The following CELF3 variants were observed in gnomAD, a reference collection of about 807,000 sequenced individuals.
The protein encoded by CELF3 is CAG repeat domain.
In CELF3, 26 loss-of-function variants were observed where a neutral mutation model predicts 59.6. The ratio of observed to expected loss-of-function variants is 0.44; its 90% CI spans 0.32 to 0.61. The LOEUF is 0.61. Ranked by LOEUF, CELF3 falls within the 20% of genes least tolerant of loss-of-function variation. The pLI is 0.06. For synonymous variants in CELF3, 245 were observed against 250.7 expected, an observed-to-expected ratio of 0.98 and a Z score of 0.22; for missense variants, 387 against 627.2, an observed-to-expected ratio of 0.62 and a Z score of 4.09.
In CELF3 at chr1:151,706,685, C is replaced by T. The variant is rs1314977878; in HGVS notation, c.972G>A (p.Gly324=). The change falls in exon 9 of 13, where the codon GGG becomes GGA. Residue 324 remains glycine (G), a synonymous_variant. Transcript: ENST00000290583. ...GCGCCTCACCTGTGTAGTGCTGCATCCCCGCGTAGGCCTGCTGCAGGGGGT... is the reference window on the plus strand; with the variant it reads ...GCGCCTCACCTGTGTAGTGCTGCATTCCCGCGTAGGCCTGCTGCAGGGGGT... ...PVDPLQQAYA[G]MQHYTAAYPA... is the part of the protein sequence containing the mutation. 1.3e-6 allele frequency: 2 copies of T among 1,551,400 alleles called. No individual in the cohort carries two copies. The highest frequency in any genetic ancestry group is 1.7e-4 in the Middle Eastern group (1 of 5,854).
chr1:151,708,034 C>T (rs1672721739), intron 5 of CELF3, 99 bp from the exon 6 acceptor site: 2 of 1,386,362 alleles, frequency 1.4e-6, no homozygotes, highest in Admixed American at 2.5e-5. Flanking sequence ...CATGGCATGG[C>T]TTGGCCTCTC....
Position 151,707,164 on chromosome 1 carries a change from G to C in CELF3, c.903C>G (p.Asn301Lys), listed in dbSNP as rs1233807187. ...GQPAPDALYP[N>K]GVHPYPAQSP... ...TCCCACCTGGGTAGGGGTGAACCCC[G>C]TTGGGATACAGAGCATCAGGGGCAG... The change falls in exon 8 of 13, where the codon AAC becomes AAG. Residue 301 changes from asparagine to lysine, a missense_variant. By Grantham distance (94) the Asn-to-Lys change is moderately conservative. Coordinates refer to ENST00000290583, the MANE Select transcript of CELF3 (RefSeq NM_007185.7). The C allele has an allele frequency of 6.6e-7, 1 of 1,519,212 alleles. No individual in the cohort carries two copies. The highest frequency in any genetic ancestry group is 8.8e-7 in the Non-Finnish European group (1 of 1,139,080). The allele number at this position is 1,519,212 out of a possible 1,614,324, so 94.1% of individuals were successfully genotyped here.
At chr1:151,713,216 C>G (rs1673174003) in intron 2 of CELF3, among the ~76,000 whole-genome samples, 1 of 152,192 alleles carries the variant, frequency 6.6e-6, no homozygotes. Context: ...AATCATTAAC[C>G]AGGCGCCCTT....
At chr1:151,707,000 G>T in intron 8 of CELF3, 145 bp downstream of exon 8, 1 of 1,057,486 alleles carries the variant, frequency 9.5e-7, no homozygotes, top group Non-Finnish European at 1.3e-6. Context: ...GAGCCCAACA[G>T]GAAGGATCAT....
At chr1:151,712,273 C>A (rs912423789) in intron 2 of CELF3, among the ~76,000 whole-genome samples, 2 of 152,216 alleles carry the variant, frequency 1.3e-5, no homozygotes, top group East Asian at 3.8e-4. Context: ...CCCAGTATAG[C>A]CGAGCCCCTC....
chr1:151,715,977 G>A lies in CELF3; in HGVS notation c.44C>T (p.Pro15Leu), dbSNP rs1171665432. The change falls in exon 1 of 13, where the codon CCG becomes CTG. Residue 15 changes from proline to leucine, a missense_variant. This residue lies in a region of CELF3 where 208 missense variants were observed against 354.8 expected (regional missense o/e 0.59). Transcript: ENST00000290583. ...DAIKLFVGQI[P>L]RHLEEKDLKP... ...CAGGTCCTTCTCCTCCAGATGCCTC[G>A]GGATCTGCCCCACAAACAGCTTGAT... 8 of 1,614,096 alleles carry A rather than the reference G, an allele frequency of 5.0e-6. No homozygotes were observed. Among genetic ancestry groups the A allele is most frequent in the East Asian group, 2.2e-5 (1 of 44,874 alleles).
chr1:151,715,045 C>T (rs1673357306), intron 1 of CELF3, among the ~76,000 whole-genome samples: 1 of 152,046 alleles, frequency 6.6e-6, no homozygotes, highest in Non-Finnish European at 1.5e-5. Context: ...TCTTGATCAC[C>T]ATCATCCCTC....
rs1476344130 is a variant in CELF3, at chr1:151,705,384, C to A, written c.1271-216G>T. 6.6e-6 allele frequency among the ~76,000 whole-genome samples: 1 copy of A among 152,224 alleles called. No homozygotes were observed. The highest frequency in any genetic ancestry group is 1.5e-5 in the Non-Finnish European group (1 of 68,042). The stretch of plus-strand genomic sequence containing the variant: ...ACCACATTCTTCCCAGCATTCTGTG[C>A]CAGTGACCCCTTCCTCTGCCTGGAT... On this transcript the variant is annotated intron_variant, in intron 11 of 12. Coordinates refer to ENST00000290583, the MANE Select transcript of CELF3 (RefSeq NM_007185.7). This position sits in a 1 kb window ranked among gnomAD's most constrained non-coding sequence, Gnocchi z 5.1.
chr1:151,705,298 T>A lies in CELF3; in HGVS notation c.1271-130A>T. On this transcript the variant is annotated intron_variant, in intron 11 of 12. Transcript: ENST00000290583. The surrounding 1 kb of genome is among the most constrained non-coding windows in gnomAD (Gnocchi z 5.1). ...GAAAGCTGCCTGCCACATAGCAGCA[T>A]TCCTTAGGAATTTGTTGATTGATGG... 9.8e-7 allele frequency: 1 copy of A among 1,016,188 alleles called. No homozygotes were observed. The highest frequency in any genetic ancestry group is 1.4e-6 in the Non-Finnish European group (1 of 704,896). The allele number at this position is 1,016,188 out of a possible 1,614,324, so 62.9% of individuals were successfully genotyped here.
In CELF3 at chr1:151,703,165, C is replaced by G; in HGVS notation, c.*294G>C. 2.2e-6 allele frequency: 1 copy of G among 460,838 alleles called. No homozygotes were observed. The highest frequency in any genetic ancestry group is 4.4e-6 in the Non-Finnish European group (1 of 229,500). The allele number at this position is 460,838 out of a possible 1,614,324, so 28.5% of individuals were successfully genotyped here. A position where few individuals can be genotyped will look rare whatever the true frequency, so the allele number is the denominator to read the frequency against. On this transcript the variant is annotated 3_prime_UTR_variant, in exon 13 of 13. Coordinates refer to ENST00000290583, the MANE Select transcript of CELF3 (RefSeq NM_007185.7). ...GGTACAGAAGGCCTGTCACAGGAGC[C>G]CAGCAGAAGGCAGATACCCCGGAGC...
Position 151,707,347 on chromosome 1 carries a change from G to T in CELF3, c.773-53C>A, listed in dbSNP as rs1055812653. On this transcript the variant is annotated intron_variant, in intron 7 of 12. Coordinates refer to ENST00000290583, the MANE Select transcript of CELF3 (RefSeq NM_007185.7). ...AGCAGAGGAGCAGACACACACACAGGCAGAGAACCAGTCAGCAAGTCTGTG... is the reference window on the plus strand; with the variant it reads ...AGCAGAGGAGCAGACACACACACAGTCAGAGAACCAGTCAGCAAGTCTGTG... The T allele has an allele frequency of 2.6e-6, 4 of 1,549,292 alleles. No homozygotes were observed. The African/African-American group carries it at 4.1e-5, about 16-fold the overall frequency.
Position 151,706,699 on chromosome 1 carries a change from G to A in CELF3, c.958C>T (p.Gln320Ter). ...SPAAPVDPLQ[Q>*]AYAGMQHYTA... The stretch of plus-strand genomic sequence containing the variant: ...TAGTGCTGCATCCCCGCGTAGGCCT[G>A]CTGCAGGGGGTCCACGGGGGCCGCG... The change falls in exon 9 of 13, where the codon CAG becomes TAG. Residue 320 changes from glutamine to a stop codon, truncating the protein, a stop_gained. Coordinates refer to ENST00000290583, the MANE Select transcript of CELF3 (RefSeq NM_007185.7). LOFTEE classifies it high-confidence loss of function. The A allele has an allele frequency of 6.4e-7, 1 of 1,551,216 alleles. No individual in the cohort carries two copies. The highest frequency in any genetic ancestry group is 8.7e-7 in the Non-Finnish European group (1 of 1,146,842).
At chr1:151,714,798 G>A (rs533680785) in intron 1 of CELF3, 122 bp from the exon 2 acceptor site, 2 of 734,924 alleles carry the variant, frequency 2.7e-6, no homozygotes, top group South Asian at 3.4e-5. Flanking sequence ...TCTTCTGCCT[G>A]CTGGGGTAGA....
At chr1:151,710,592 G>A in intron 2 of CELF3, 1 of 456,088 alleles carries the variant, frequency 2.2e-6, no homozygotes, top group Non-Finnish European at 4.4e-6. Context: ...GGCCCTGCAG[G>A]GGCCATCCCA....
chr1:151,709,994 G>C lies in CELF3; in HGVS notation c.229-203C>G. 1.7e-6 allele frequency: 1 copy of C among 598,540 alleles called. No homozygotes were observed. Among genetic ancestry groups the C allele is most frequent in the Non-Finnish European group, 3.0e-6 (1 of 332,886 alleles). 37.1% of individuals were successfully genotyped at this position (598,540 alleles called of 1,614,324 possible). The stretch of plus-strand genomic sequence containing the variant: ...CACAGAGAGAGAGGATGTAGAGGGA[G>C]AGGCTCATGGGCACAGCTCCAGGCT... On this transcript the variant is annotated intron_variant, in intron 2 of 12. Transcript: ENST00000290583. This position sits in a 1 kb window ranked among gnomAD's most constrained non-coding sequence, Gnocchi z 4.9.
chr1:151,703,242 G>A lies in CELF3; in HGVS notation c.*217C>T, dbSNP rs1291960814. Reference sequence around the variant, plus strand: ...CAAAGGCCAAAAGGGCATCTAGGAGGAAATGGGCCCTTGGAGCCAGGGAAG... The same window carrying A: ...CAAAGGCCAAAAGGGCATCTAGGAGAAAATGGGCCCTTGGAGCCAGGGAAG... On this transcript the variant is annotated 3_prime_UTR_variant, in exon 13 of 13. Coordinates refer to ENST00000290583, the MANE Select transcript of CELF3 (RefSeq NM_007185.7). The A allele has an allele frequency of 2.2e-6, 1 of 457,498 alleles. No homozygotes were observed. The highest frequency in any genetic ancestry group is 1.5e-5 in the South Asian group (1 of 64,586). The allele number at this position is 457,498 out of a possible 1,614,324, so 28.3% of individuals were successfully genotyped here. A position where few individuals can be genotyped will look rare whatever the true frequency, so the allele number is the denominator to read the frequency against.
chr1:151,714,587 G>A lies in CELF3; in HGVS notation c.228+7C>T, dbSNP rs1673304688. The A allele has an allele frequency of 1.2e-5, 19 of 1,552,404 alleles. No individual in the cohort carries two copies. Among genetic ancestry groups the A allele is most frequent in the Admixed American group, 2.0e-5 (1 of 51,162 alleles). On this transcript the variant is annotated splice_region_variant and intron_variant, in intron 2 of 12. Transcript: ENST00000290583. ...AGTCCCCTGGCCCTGCAAAGGGCAGGACTCACCCCTGGAAGCGTCTTCTGT... is the reference window on the plus strand; with the variant it reads ...AGTCCCCTGGCCCTGCAAAGGGCAGAACTCACCCCTGGAAGCGTCTTCTGT...
rs1210885304 is a variant in CELF3, at chr1:151,705,611, C to A, written c.1270+211G>T. On this transcript the variant is annotated intron_variant, in intron 11 of 12. Coordinates refer to ENST00000290583, the MANE Select transcript of CELF3 (RefSeq NM_007185.7). The surrounding 1 kb of genome is among the most constrained non-coding windows in gnomAD (Gnocchi z 5.1). ...CAGACCTCATGGGACATGAATTTGG[C>A]CAGTTTTTAAGAGAAACGCTGAAGG... is the stretch of plus-strand genomic sequence containing the variant. Among the ~76,000 whole-genome samples the A allele has an allele frequency of 6.6e-6, 1 of 152,120 alleles. No individual in the cohort carries two copies. Among genetic ancestry groups the A allele is most frequent in the Non-Finnish European group, 1.5e-5 (1 of 68,030 alleles).
At position 151,703,308 on chromosome 1, in the gene CELF3, G is replaced by A. The variant is rs780152011; in HGVS notation, c.*151C>T. ...TCAGAGAGGCAGGGGGGTGGGAGGG[G>A]CCGGTGTCTTGTGCCCCCGGGGGCC... On this transcript the variant is annotated 3_prime_UTR_variant, in exon 13 of 13. Transcript: ENST00000290583. 3 of 455,572 alleles carry A rather than the reference G, an allele frequency of 6.6e-6. No homozygotes were observed. Among genetic ancestry groups the A allele is most frequent in the Non-Finnish European group, 1.3e-5 (3 of 226,466 alleles). The allele number at this position is 455,572 out of a possible 1,614,324, so 28.2% of individuals were successfully genotyped here.
Sources: allele counts gnomAD v4.1 joint callset (sites outside exome capture counted in the v4.1 genomes callset), GRCh38; gene constraint gnomAD v4.1.1; regional missense constraint gnomAD v4.1.1; non-coding constraint Gnocchi (gnomAD v3.1); transcripts MANE v1.5; gene names NCBI Gene and HGNC (gene_info 2026-07-23, HGNC 2026-07-21).